SUPT3H: variants seen among roughly 807,000 people sequenced by gnomAD.
SUPT3H encodes the protein SPT3 homolog, SAGA and STAGA complex component, also known as transcription initiation protein SPT3 homolog.
SUPT3H carries 44 observed loss-of-function variants against 44.3 expected under a neutral mutation model. The ratio of observed to expected loss-of-function variants is 0.99; its 90% CI spans 0.78 to 1.28. The LOEUF is 1.28. Among genes scored for constraint, SUPT3H ranks in the 50% most tolerant of loss-of-function variants. SUPT3H has a pLI of 0.00. For missense variants in SUPT3H, 380 were observed against 387.1 expected (o/e 0.98, Z 0.15); for synonymous variants, 124 against 125.6 (o/e 0.99, Z 0.09).
intron 3 of SUPT3H, among the ~76,000 whole-genome samples, chr6:45,091,704 A>G (rs1307128959): frequency 6.6e-6 from 1 of 152,118 alleles, no homozygotes; most frequent in African/African-American, 2.4e-5. Context: ...CTGTCAAACT[A>G]CAGATAGAAA....
chr6:45,376,816 T>C (rs1796844106), intron 1 of SUPT3H, among the ~76,000 whole-genome samples: 1 of 152,214 alleles, frequency 6.6e-6, no homozygotes, highest in Non-Finnish European at 1.5e-5. Context: ...GCCCTTCACA[T>C]ATACTAAGAC....
At chr6:44,842,049 A>C (rs1771029906) in intron 10 of SUPT3H, among the ~76,000 whole-genome samples, 1 of 152,190 alleles carries the variant, frequency 6.6e-6, no homozygotes, top group African/African-American at 2.4e-5. Flanking sequence ...CTCTCTGATA[A>C]AGTGACATTT....
intron 6 of SUPT3H, among the ~76,000 whole-genome samples, chr6:44,970,439 T>C (rs888153642): frequency 6.6e-6 from 1 of 152,186 alleles, no homozygotes; most frequent in South Asian, 2.1e-4. Flanking sequence ...TTCCTTAAAA[T>C]TGTAAATATG....
At chr6:45,224,403 T>G (rs575682345) in intron 2 of SUPT3H, among the ~76,000 whole-genome samples, 1 of 152,224 alleles carries the variant, frequency 6.6e-6, no homozygotes, top group African/African-American at 2.4e-5. Flanking sequence ...CATACTGAGT[T>G]TACTATTTTA....
At chr6:44,902,109 C>A (rs1765171900) in intron 10 of SUPT3H, among the ~76,000 whole-genome samples, 1 of 152,262 alleles carries the variant, frequency 6.6e-6, no homozygotes, top group South Asian at 2.1e-4. Flanking sequence ...GAAGAAACTG[C>A]ATCAACTAAC....
chr6:44,893,666 A>G (rs1174687029), intron 10 of SUPT3H, among the ~76,000 whole-genome samples: 1 of 150,816 alleles, frequency 6.6e-6, no homozygotes. Flanking sequence ...ATTGTGAATA[A>G]TGCCGCAATA....
At chr6:45,072,097 A>T (rs1049289074) in intron 3 of SUPT3H, among the ~76,000 whole-genome samples, 1 of 152,214 alleles carries the variant, frequency 6.6e-6, no homozygotes, top group African/African-American at 2.4e-5. Flanking sequence ...CAACAATGCT[A>T]TGAAGTCAGA....
At chr6:44,858,823 T>C (rs1031654607) in intron 10 of SUPT3H, among the ~76,000 whole-genome samples, 1 of 152,192 alleles carries the variant, frequency 6.6e-6, no homozygotes, top group African/African-American at 2.4e-5. Flanking sequence ...ATGATATTTT[T>C]GGGATATATT....
chr6:45,147,033 A>C (rs1293786905), intron 2 of SUPT3H, among the ~76,000 whole-genome samples: 1 of 152,092 alleles, frequency 6.6e-6, no homozygotes, highest in Non-Finnish European at 1.5e-5. Context: ...TTTACCAGTA[A>C]CAGTTTATTT....
intron 3 of SUPT3H, among the ~76,000 whole-genome samples, chr6:45,096,544 G>A (rs1797806453): frequency 6.6e-6 from 1 of 152,020 alleles, no homozygotes; most frequent in African/African-American, 2.4e-5. Context: ...GTGAAGCACT[G>A]GATAAGAATT....
rs73737897 is a variant in SUPT3H, at chr6:45,116,324, A to G, written c.102-10318T>C. On this transcript the variant is annotated intron_variant, in intron 2 of 10. Coordinates refer to ENST00000371459, the MANE Select transcript of SUPT3H (RefSeq NM_003599.4). ...AATCCTTCACCTAGAATCACCAATT[A>G]TTAACATTTTAGCACAACTGCGCAC... 8.6e-3 allele frequency among the ~76,000 whole-genome samples: 1,316 copies of G among 152,280 alleles called. 25 individuals carry two copies. The highest frequency in any genetic ancestry group is 0.03 in the African/African-American group (1,240 of 41,550).
At chr6:45,305,383 T>C (rs922161029) in intron 2 of SUPT3H, among the ~76,000 whole-genome samples, 10 of 152,232 alleles carry the variant, frequency 6.6e-5, no homozygotes, top group African/African-American at 2.4e-4. Context: ...GGTCGTGTTT[T>C]GAAATTTTCA....
At chr6:45,248,875 A>G (rs1584487195) in intron 2 of SUPT3H, among the ~76,000 whole-genome samples, 1 of 151,292 alleles carries the variant, frequency 6.6e-6, no homozygotes, top group Admixed American at 6.6e-5. Flanking sequence ...AAATCACGCC[A>G]CTGCACTCCA....
intron 7 of SUPT3H, chr6:44,955,494 G>A (rs1374581897): frequency 1.3e-5 from 2 of 152,238 alleles, no homozygotes; most frequent in Non-Finnish European, 2.9e-5. Flanking sequence ...GGGCAACAGA[G>A]GCAGCCATAA....
At chr6:45,014,685 G>A (rs1359979633) in intron 5 of SUPT3H, 116 bp downstream of exon 5, 2 of 574,298 alleles carry the variant, frequency 3.5e-6, no homozygotes, top group Admixed American at 4.0e-5. Flanking sequence ...CACTTGATTT[G>A]TTGACAGTAA....
chr6:45,276,496 T>C lies in SUPT3H; in HGVS notation c.101+88705A>G, dbSNP rs557854566. ...GGCCCCAATTCTTCACCCCTCCCCA[T>C]ATCTGTATCTTTTTCCATGTGGTTT... On this transcript the variant is annotated intron_variant, in intron 2 of 10. Coordinates refer to ENST00000371459, the MANE Select transcript of SUPT3H (RefSeq NM_003599.4). Among the ~76,000 whole-genome samples, 14 of 152,258 alleles carry C rather than the reference T, an allele frequency of 9.2e-5. 1 individual carries two copies. The South Asian group carries it at 1.9e-3, about 20-fold the overall frequency.
intron 10 of SUPT3H, among the ~76,000 whole-genome samples, chr6:44,920,018 A>G (rs1039229736): frequency 9.9e-5 from 15 of 151,988 alleles, no homozygotes; most frequent in Non-Finnish European, 2.1e-4. Context: ...AGCTGGGATT[A>G]CAGGCGCATG....
chr6:45,025,819 C>CT (rs1785898268), intron 3 of SUPT3H, among the ~76,000 whole-genome samples: 1 of 149,758 alleles, frequency 6.7e-6, no homozygotes, highest in Admixed American at 6.7e-5. Context: ...AGAGGCGGAG[C>CT]TTTCAGTGAG....
intron 9 of SUPT3H, among the ~76,000 whole-genome samples, chr6:44,934,909 G>A (rs1368099650): frequency 6.6e-6 from 1 of 152,188 alleles, no homozygotes; most frequent in Non-Finnish European, 1.5e-5. Context: ...CCATTTGTAA[G>A]ATATGGAGAC....
Sources: gnomAD v4.1 joint callset for allele counts (sites outside exome capture counted in the v4.1 genomes callset) on GRCh38, gnomAD v4.1.1 for gene constraint, MANE v1.5 for transcripts, NCBI Gene and HGNC (gene_info 2026-07-23, HGNC 2026-07-21) for gene names.